CALCR: variants seen among roughly 807,000 people sequenced by gnomAD.
CALCR encodes the protein calcitonin receptor.
A neutral mutation model predicts 59.5 loss-of-function variants in CALCR; 47 were observed. That is an observed-to-expected ratio of 0.79 (90% CI 0.63 to 1.01). The LOEUF (loss-of-function observed/expected upper bound fraction) is 1.01. Among genes scored for constraint, CALCR ranks in the 50% least tolerant of loss-of-function variants. The probability of loss-of-function intolerance (pLI) is 0.00; values close to 1 mark genes in which losing one functional copy is unlikely to be tolerated. For synonymous variants in CALCR, 213 were observed against 211.3 expected, an observed-to-expected ratio of 1.01 and a Z score of -0.07; for missense variants, 566 against 597.1, an observed-to-expected ratio of 0.95 and a Z score of 0.54.
intron 9 of CALCR, among the ~76,000 whole-genome samples, chr7:93,441,059 GCTGT>G (rs201692061): frequency 0.02 from 3,044 of 152,036 alleles, 121 homozygotes; most frequent in African/African-American, 0.07. Context: ...TCTTCATTGA[GCTGT>G]CTATGATGAT....
intron 2 of CALCR, among the ~76,000 whole-genome samples, chr7:93,548,677 A>AC (rs1001699476): frequency 6.6e-6 from 1 of 151,844 alleles, no homozygotes; most frequent in Non-Finnish European, 1.5e-5. Flanking sequence ...AACAGAAAAA[A>AC]AAAACCCAAA....
At chr7:93,571,023 T>C (rs770574468) in intron 2 of CALCR, among the ~76,000 whole-genome samples, 2 of 152,210 alleles carry the variant, frequency 1.3e-5, no homozygotes, top group Non-Finnish European at 2.9e-5. Context: ...AACCTCTCTA[T>C]ATTGCTGGTT....
intron 2 of CALCR, among the ~76,000 whole-genome samples, chr7:93,510,988 G>T (rs929175272): frequency 1.8e-4 from 28 of 152,120 alleles, no homozygotes; most frequent in African/African-American, 6.8e-4. Flanking sequence ...GAGCCTGGGG[G>T]ATTAGGGAAG....
intron 7 of CALCR, among the ~76,000 whole-genome samples, chr7:93,465,715 A>G (rs1800426317): frequency 6.6e-6 from 1 of 151,892 alleles, no homozygotes; most frequent in Non-Finnish European, 1.5e-5. Context: ...ACATTTATAC[A>G]TTAATTTTCC....
intron 2 of CALCR, among the ~76,000 whole-genome samples, chr7:93,511,181 A>G (rs1364402245): frequency 1.3e-5 from 2 of 152,136 alleles, no homozygotes; most frequent in Non-Finnish European, 2.9e-5. Context: ...AAGAAAATAA[A>G]TCATAAACAC....
intron 3 of CALCR, among the ~76,000 whole-genome samples, chr7:93,484,645 T>C (rs1800899060): frequency 6.6e-6 from 1 of 151,820 alleles, no homozygotes. Context: ...GCCTGGCTGG[T>C]GTACTGTGTA....
At chr7:93,437,587 A>C (rs1289601028) in intron 11 of CALCR, among the ~76,000 whole-genome samples, 1 of 152,202 alleles carries the variant, frequency 6.6e-6, no homozygotes. Flanking sequence ...ATCCTCAGTA[A>C]GCATCTGACA....
chr7:93,568,928 C>T (rs6465388), intron 2 of CALCR, among the ~76,000 whole-genome samples: 151,734 of 152,230 alleles, frequency 1, 75,622 homozygotes, highest in Middle Eastern at 1. Context: ...GTCCAAAATA[C>T]TCCTTGTCCC....
chr7:93,556,221 A>G (rs1186977919), intron 2 of CALCR, among the ~76,000 whole-genome samples: 1 of 152,174 alleles, frequency 6.6e-6, no homozygotes, highest in Non-Finnish European at 1.5e-5. Context: ...AGACCTTATT[A>G]TCAGTGGCCT....
At chr7:93,500,579 C>T (rs1429097802) in intron 2 of CALCR, among the ~76,000 whole-genome samples, 1 of 151,948 alleles carries the variant, frequency 6.6e-6, no homozygotes, top group Non-Finnish European at 1.5e-5. Context: ...ATTGTACATA[C>T]ATTTATCTTT....
chr7:93,483,044 G>A (rs1215329433), intron 3 of CALCR, among the ~76,000 whole-genome samples: 1 of 151,724 alleles, frequency 6.6e-6, no homozygotes, highest in Non-Finnish European at 1.5e-5. Flanking sequence ...ATACTCAGGG[G>A]ATTGGTTGCA....
chr7:93,502,147 A>G (rs956869662), intron 2 of CALCR, among the ~76,000 whole-genome samples: 2 of 152,114 alleles, frequency 1.3e-5, no homozygotes, highest in Non-Finnish European at 2.9e-5. Context: ...GGGGATAACT[A>G]GTGGGAAAGG....
chr7:93,499,322 A>G (rs1029843962), intron 2 of CALCR, among the ~76,000 whole-genome samples: 8 of 151,808 alleles, frequency 5.3e-5, no homozygotes, highest in African/African-American at 1.9e-4. Context: ...AAAGTTTGTG[A>G]AATGTGAAAT....
At chr7:93,430,125 C>T (rs559794232) in intron 13 of CALCR, among the ~76,000 whole-genome samples, 19 of 151,792 alleles carry the variant, frequency 1.3e-4, no homozygotes, top group South Asian at 1.0e-3. Flanking sequence ...TTAGTAGATA[C>T]GGGGCTTCAC....
In CALCR at chr7:93,426,361, C is replaced by G; in HGVS notation, c.1420G>C (p.Ala474Pro). ...PLNIIEQESS[A>P] Reference sequence around the variant, plus strand: ...ATGCTGTGTTTGCTTCACATTCAAGCAGATGACTCTTGCTCTATGATATTC... The same window carrying G: ...ATGCTGTGTTTGCTTCACATTCAAGGAGATGACTCTTGCTCTATGATATTC... The change falls in exon 14 of 14, where the codon GCT (alanine) becomes CCT (proline). Residue 474 changes from alanine to proline, a missense_variant. Transcript: ENST00000426151. 6.4e-7 allele frequency: 1 copy of G among 1,571,200 alleles called. No homozygotes were observed. The highest frequency in any genetic ancestry group is 8.8e-7 in the Non-Finnish European group (1 of 1,141,306).
chr7:93,500,331 G>C (rs1269161728), intron 2 of CALCR, among the ~76,000 whole-genome samples: 1 of 151,884 alleles, frequency 6.6e-6, no homozygotes, highest in African/African-American at 2.4e-5. Context: ...CATTCTGTTT[G>C]GTTCTGATAT....
chr7:93,551,669 C>T (rs756929488), intron 2 of CALCR, among the ~76,000 whole-genome samples: 13 of 152,126 alleles, frequency 8.5e-5, no homozygotes, highest in Admixed American at 1.3e-4. Context: ...AAGAACCACC[C>T]TTTGTGGGGA....
chr7:93,534,520 G>A (rs10246846), intron 2 of CALCR, among the ~76,000 whole-genome samples: 9,956 of 151,774 alleles, frequency 0.066, 1,092 homozygotes, highest in African/African-American at 0.23. Flanking sequence ...ATAAATGTAA[G>A]TAGACATTAT....
intron 2 of CALCR, among the ~76,000 whole-genome samples, chr7:93,564,277 G>C (rs1789810705): frequency 6.6e-6 from 1 of 152,060 alleles, no homozygotes; most frequent in African/African-American, 2.4e-5. Flanking sequence ...CTGGTGGGCA[G>C]GTCAGATGGA....
Sources: gnomAD v4.1 joint callset for allele counts (sites outside exome capture counted in the v4.1 genomes callset) on GRCh38, gnomAD v4.1.1 for gene constraint, MANE v1.5 for transcripts, NCBI Gene and HGNC (gene_info 2026-07-23, HGNC 2026-07-21) for gene names.